The following RGS6 variants were observed in gnomAD, a reference collection of about 807,000 sequenced individuals.
RGS6 encodes the protein regulator of G protein signaling 6, also known as regulator of G-protein signaling 6.
In RGS6, 30 loss-of-function variants were observed where a neutral mutation model predicts 78.5. The ratio of observed to expected loss-of-function variants is 0.38; its 90% CI spans 0.29 to 0.52. The LOEUF is 0.52. RGS6 is among the 20% of genes least tolerant of loss of function. The pLI is 0.85. For missense variants in RGS6, 495 were observed against 609.7 expected, an observed-to-expected ratio of 0.81 and a Z score of 1.98; for synonymous variants, 206 against 206.0, an observed-to-expected ratio of 1.00 and a Z score of 0.00.
intron 3 of RGS6, among the ~76,000 whole-genome samples, chr14:72,366,769 C>T (rs2082519888): frequency 6.6e-6 from 1 of 152,136 alleles, no homozygotes; most frequent in Admixed American, 6.5e-5. Context: ...CCTCAGCGTG[C>T]CAGCTCTATC....
chr14:72,039,352 A>T (rs1470795894), intron 2 of RGS6, among the ~76,000 whole-genome samples: 4 of 152,162 alleles, frequency 2.6e-5, no homozygotes, highest in African/African-American at 9.7e-5. Context: ...GGGCTAGTTT[A>T]TAGGAGGGAT....
At chr14:72,364,013 A>T (rs1041382844) in intron 3 of RGS6, among the ~76,000 whole-genome samples, 1 of 150,900 alleles carries the variant, frequency 6.6e-6, no homozygotes, top group African/African-American at 2.4e-5. Flanking sequence ...AAAAAAAAAA[A>T]AAAAAAAAAA....
intron 3 of RGS6, among the ~76,000 whole-genome samples, chr14:72,450,355 A>G (rs1484367385): frequency 1.3e-5 from 2 of 152,220 alleles, no homozygotes; most frequent in Non-Finnish European, 2.9e-5. Context: ...TAGATATAAA[A>G]GACATAATTG....
chr14:71,937,391 T>G (rs759135666), intron 1 of RGS6, among the ~76,000 whole-genome samples: 8 of 152,140 alleles, frequency 5.3e-5, no homozygotes, highest in Non-Finnish European at 8.8e-5. Flanking sequence ...CACTTCCACT[T>G]CCGCCCCTTG....
chr14:72,057,313 G>GAGAAAAAAAAA (rs2093665826), intron 2 of RGS6, among the ~76,000 whole-genome samples: 2 of 56,174 alleles, frequency 3.6e-5, no homozygotes, highest in Admixed American at 2.3e-4. Flanking sequence ...GACTCTATCT[G>GAGAAAAAAAAA]AAAAAAAAAA....
chr14:72,572,600 T>C, the RGS6 span, among the ~76,000 whole-genome samples: 3 of 152,072 alleles, frequency 2.0e-5, no homozygotes, highest in African/African-American at 7.2e-5. Flanking sequence ...AATAGGCAAA[T>C]TGATAGAGAC....
At chr14:72,292,349 G>GT (rs972868526) in intron 2 of RGS6, among the ~76,000 whole-genome samples, 89 of 152,182 alleles carry the variant, frequency 5.8e-4, no homozygotes, top group African/African-American at 2.1e-3. Context: ...ACAGCCAGAA[G>GT]TGACAGTCGC....
chr14:72,204,991 A>T (rs1013575322), intron 2 of RGS6, among the ~76,000 whole-genome samples: 1 of 152,196 alleles, frequency 6.6e-6, no homozygotes, highest in Admixed American at 6.5e-5. Flanking sequence ...TCAGATCTTC[A>T]TGGTGCTTCA....
chr14:72,308,075 C>G (rs1208835735), intron 2 of RGS6, among the ~76,000 whole-genome samples: 1 of 152,084 alleles, frequency 6.6e-6, no homozygotes, highest in Non-Finnish European at 1.5e-5. Context: ...TTTTATTATT[C>G]TAATTTTCCA....
chr14:72,369,784 A>G (rs2152829431), intron 3 of RGS6, among the ~76,000 whole-genome samples: 1 of 152,330 alleles, frequency 6.6e-6, no homozygotes, highest in African/African-American at 2.4e-5. Context: ...TATCTTTTGG[A>G]TATCATAACT....
intron 2 of RGS6, among the ~76,000 whole-genome samples, chr14:72,257,557 T>G (rs2057328361): frequency 6.6e-6 from 1 of 152,228 alleles, no homozygotes; most frequent in Admixed American, 6.5e-5. Flanking sequence ...GTTCACTATT[T>G]ATGTGATGTG....
At chr14:71,899,442 C>T in the RGS6 span, among the ~76,000 whole-genome samples, 1 of 152,198 alleles carries the variant, frequency 6.6e-6, no homozygotes, top group Non-Finnish European at 1.5e-5. Context: ...GGTTGTCTCC[C>T]CAGTATTGAC....
At chr14:72,133,124 A>G (rs1414267248) in intron 2 of RGS6, among the ~76,000 whole-genome samples, 1 of 152,172 alleles carries the variant, frequency 6.6e-6, no homozygotes, top group Non-Finnish European at 1.5e-5. Context: ...GGGTAGGGAC[A>G]TCATTCATTT....
At chr14:72,236,884 G>A (rs571554797) in intron 2 of RGS6, among the ~76,000 whole-genome samples, 3 of 152,180 alleles carry the variant, frequency 2.0e-5, no homozygotes, top group Non-Finnish European at 2.9e-5. Flanking sequence ...GGCGGCGGCC[G>A]GGCAAAGGTG....
Position 72,523,833 on chromosome 14 carries a change from TA to T in RGS6, c.1278+5297del, listed in dbSNP as rs534495799. Reference sequence around the variant, plus strand: ...GGGAGAAAAATATATAGGCCATGATTATTTTTTTTTAAGGACTCAGTTCTTT... The same window carrying T: ...GGGAGAAAAATATATAGGCCATGATTTTTTTTTTTAAGGACTCAGTTCTTT... On this transcript the variant is annotated intron_variant, in intron 15 of 17. Transcript: ENST00000553525. 6.5e-3 allele frequency among the ~76,000 whole-genome samples: 983 copies of T among 150,974 alleles called. 13 individuals are homozygous for T. The highest frequency in any genetic ancestry group is 0.023 in the African/African-American group (948 of 40,508).
chr14:72,541,125 G>T, intron 17 of RGS6: 1 of 1,367,098 alleles, frequency 7.3e-7, no homozygotes. Flanking sequence ...GTCCCATGCA[G>T]GGAGCTGGCC....
the RGS6 span, among the ~76,000 whole-genome samples, chr14:72,605,405 C>T: frequency 0.012 from 1,804 of 152,318 alleles, 74 homozygotes; most frequent in East Asian, 0.09. Flanking sequence ...TTGCTTCCCC[C>T]GGAGAACACT....
chr14:72,292,884 G>C (rs1045760298), intron 2 of RGS6, among the ~76,000 whole-genome samples: 9 of 152,118 alleles, frequency 5.9e-5, no homozygotes, highest in African/African-American at 1.9e-4. Context: ...CCTTGACATG[G>C]GCTGATGGAT....
chr14:72,189,368 G>C (rs1171060820), intron 2 of RGS6, among the ~76,000 whole-genome samples: 3 of 152,152 alleles, frequency 2.0e-5, no homozygotes, highest in Non-Finnish European at 4.4e-5. Context: ...TATGCCTCAT[G>C]AAGTTTATAG....
Sources: gnomAD v4.1 joint callset for allele counts (sites outside exome capture counted in the v4.1 genomes callset) on GRCh38, gnomAD v4.1.1 for gene constraint, MANE v1.5 for transcripts, NCBI Gene and HGNC (gene_info 2026-07-23, HGNC 2026-07-21) for gene names.